The following MOB1B variants were observed in gnomAD, a reference collection of about 807,000 sequenced individuals.
The protein encoded by MOB1B is MOB1 Mps One Binder homolog B.
In MOB1B, 19 loss-of-function variants were observed where a neutral mutation model predicts 24.4. That is an observed-to-expected ratio of 0.78 (90% CI 0.54 to 1.14). The LOEUF (loss-of-function observed/expected upper bound fraction) is 1.14. MOB1B is among the 50% of genes most tolerant of loss of function. MOB1B has a pLI of 0.00. For synonymous variants in MOB1B, 76 were observed against 82.1 expected, an observed-to-expected ratio of 0.93 and a Z score of 0.40; for missense variants, 243 against 259.6, an observed-to-expected ratio of 0.94 and a Z score of 0.44.
chr4:70,934,116 G>A (rs540163661), intron 1 of MOB1B, among the ~76,000 whole-genome samples: 89 of 152,114 alleles, frequency 5.9e-4, no homozygotes, highest in African/African-American at 1.9e-3. Context: ...GTGAAGTCTC[G>A]CTCTGTTGCC....
At chr4:70,961,401 C>T (rs1038121570) in intron 2 of MOB1B, among the ~76,000 whole-genome samples, 1 of 152,144 alleles carries the variant, frequency 6.6e-6, no homozygotes, top group Non-Finnish European at 1.5e-5. Context: ...AATTTCATCA[C>T]GTTACTCAGA....
chr4:70,980,234 T>A (rs1739148582), intron 5 of MOB1B, among the ~76,000 whole-genome samples: 1 of 152,340 alleles, frequency 6.6e-6, no homozygotes, highest in East Asian at 1.9e-4. Flanking sequence ...CCAAAACTGT[T>A]GCTCTCAACA....
chr4:70,921,891 C>G (rs957445453), intron 1 of MOB1B, among the ~76,000 whole-genome samples: 1 of 152,142 alleles, frequency 6.6e-6, no homozygotes, highest in African/African-American at 2.4e-5. Flanking sequence ...CTTATGTCTT[C>G]AATTCTCTAT....
intron 2 of MOB1B, among the ~76,000 whole-genome samples, chr4:70,963,083 C>G (rs1468439169): frequency 1.3e-5 from 2 of 152,120 alleles, no homozygotes; most frequent in Non-Finnish European, 2.9e-5. Context: ...AAGCCACTGG[C>G]TAGCAGAAAA....
intron 1 of MOB1B, among the ~76,000 whole-genome samples, chr4:70,926,095 T>C (rs1353023185): frequency 6.6e-6 from 1 of 152,068 alleles, no homozygotes; most frequent in Non-Finnish European, 1.5e-5. Flanking sequence ...TCGTGATTCT[T>C]CCACCTCAGC....
chr4:70,973,083 A>AT (rs1326184337), intron 3 of MOB1B, among the ~76,000 whole-genome samples: 2 of 152,068 alleles, frequency 1.3e-5, no homozygotes, highest in Non-Finnish European at 2.9e-5. Flanking sequence ...TAATTATTTT[A>AT]TTTTTCAAAA....
chr4:70,915,832 G>C (rs570299009), intron 1 of MOB1B, among the ~76,000 whole-genome samples: 68 of 152,112 alleles, frequency 4.5e-4, no homozygotes, highest in Middle Eastern at 3.4e-3. Flanking sequence ...TCTAGTGGAA[G>C]CAGGGTAGCT....
At chr4:70,944,755 G>A (rs1737503219) in intron 1 of MOB1B, among the ~76,000 whole-genome samples, 1 of 152,078 alleles carries the variant, frequency 6.6e-6, no homozygotes, top group African/African-American at 2.4e-5. Context: ...ATGAGACAGA[G>A]GAAGTAGAGA....
At chr4:70,955,233 C>T (rs1470005147) in intron 1 of MOB1B, among the ~76,000 whole-genome samples, 1 of 152,130 alleles carries the variant, frequency 6.6e-6, no homozygotes, top group Non-Finnish European at 1.5e-5. Context: ...AGTGCAGACA[C>T]AGCTGAGGTC....
chr4:70,902,402 A>C lies in MOB1B; in HGVS notation c.-135A>C. 2 of 930,874 alleles carry C rather than the reference A, an allele frequency of 2.1e-6. No individual in the cohort carries two copies. The highest frequency in any genetic ancestry group is 3.4e-6 in the Non-Finnish European group (2 of 586,938). 57.7% of individuals were successfully genotyped at this position (930,874 alleles called of 1,614,324 possible). On this transcript the variant is annotated 5_prime_UTR_variant, in exon 1 of 6. Transcript: ENST00000309395. ...TAGCTGAGCCGAACTAGTTGCGGCC[A>C]CCGAGCAGCCGGCTCTCGGCACCTC...
At chr4:70,918,816 T>C (rs1736301930) in intron 1 of MOB1B, among the ~76,000 whole-genome samples, 2 of 152,210 alleles carry the variant, frequency 1.3e-5, no homozygotes, top group Admixed American at 1.3e-4. Flanking sequence ...AGGGTTTTTA[T>C]ACCCAAAGGA....
chr4:70,983,139 A>T lies in MOB1B; in HGVS notation c.*1082A>T, dbSNP rs1739270711. 1 of 152,538 alleles carries T rather than the reference A, an allele frequency of 6.6e-6. No homozygotes were observed. The highest frequency in any genetic ancestry group is 1.5e-5 in the Non-Finnish European group (1 of 67,998). The allele number at this position is 152,538 out of a possible 1,614,324, so 9.4% of individuals were successfully genotyped here. Reference sequence around the variant, plus strand: ...TTCCATGAGAAGTTAAAAATAAATTATTAATTTTAGGTACAGACATTAAAC... The same window carrying T: ...TTCCATGAGAAGTTAAAAATAAATTTTTAATTTTAGGTACAGACATTAAAC... On this transcript the variant is annotated 3_prime_UTR_variant, in exon 6 of 6. Transcript: ENST00000309395.
chr4:70,948,577 G>T (rs938498261), intron 1 of MOB1B, among the ~76,000 whole-genome samples: 3 of 151,944 alleles, frequency 2.0e-5, no homozygotes, highest in African/African-American at 7.3e-5. Context: ...TAGTGTCTCT[G>T]TTATTTCTAA....
At chr4:70,962,422 A>C (rs1278636867) in intron 2 of MOB1B, among the ~76,000 whole-genome samples, 3 of 152,258 alleles carry the variant, frequency 2.0e-5, no homozygotes, top group African/African-American at 7.2e-5. Flanking sequence ...TTGACAAAGA[A>C]GAAAAGGCAA....
intron 1 of MOB1B, among the ~76,000 whole-genome samples, chr4:70,928,633 G>A (rs1256073929): frequency 6.6e-6 from 1 of 152,162 alleles, no homozygotes; most frequent in Non-Finnish European, 1.5e-5. Flanking sequence ...GTGAGAGTAT[G>A]AGTGATTCTC....
intron 2 of MOB1B, among the ~76,000 whole-genome samples, chr4:70,965,824 A>AT (rs1738503838): frequency 6.7e-6 from 1 of 148,556 alleles, no homozygotes; most frequent in African/African-American, 2.5e-5. Context: ...AAAAAAAAAA[A>AT]GTTGTAAGAG....
chr4:70,978,956 C>T (rs2148904354), intron 4 of MOB1B, among the ~76,000 whole-genome samples, 172 bp from the exon 5 acceptor site: 1 of 152,236 alleles, frequency 6.6e-6, no homozygotes, highest in South Asian at 2.1e-4. Flanking sequence ...AGTTTATTTT[C>T]ATTCATGACA....
At chr4:70,913,612 A>G (rs765488043) in intron 1 of MOB1B, among the ~76,000 whole-genome samples, 39 of 152,134 alleles carry the variant, frequency 2.6e-4, no homozygotes, top group Non-Finnish European at 4.4e-4. Context: ...TTCTTACTGC[A>G]TCTTATCAGA....
intron 1 of MOB1B, among the ~76,000 whole-genome samples, chr4:70,940,738 G>A (rs1467571141): frequency 9.3e-5 from 14 of 150,082 alleles, no homozygotes; most frequent in Non-Finnish European, 1.3e-4. Flanking sequence ...GTGCAATGGC[G>A]CAATCTCAGC....
Sources: gnomAD v4.1 joint callset for allele counts (sites outside exome capture counted in the v4.1 genomes callset) on GRCh38, gnomAD v4.1.1 for gene constraint, MANE v1.5 for transcripts, NCBI Gene and HGNC (gene_info 2026-07-23, HGNC 2026-07-21) for gene names.